Variants in FAM13A observed in about 807,000 individuals in gnomAD.
FAM13A encodes the protein family with sequence similarity 13 member A.
FAM13A carries 76 observed loss-of-function variants against 129.6 expected under a neutral mutation model. The observed-to-expected ratio is 0.59, with a 90% CI of 0.49 to 0.71. The LOEUF (loss-of-function observed/expected upper bound fraction) is 0.71. Ranked by LOEUF, FAM13A falls within the 30% of genes least tolerant of loss-of-function variation. The pLI is 0.00. For missense variants in FAM13A, 1,108 were observed against 1,249.3 expected (o/e 0.89, Z 1.70); for synonymous variants, 443 against 449.9 (o/e 0.98, Z 0.20).
intron 5 of FAM13A, among the ~76,000 whole-genome samples, chr4:88,921,559 C>T (rs2148718013): frequency 6.6e-6 from 1 of 152,250 alleles, no homozygotes; most frequent in Non-Finnish European, 1.5e-5. Context: ...AAGCACTAAA[C>T]ATGGAAAGGA....
rs1743500637 is a variant in FAM13A, at chr4:88,881,147, AC to A, written c.843+25231del. Among the ~76,000 whole-genome samples the A allele has an allele frequency of 3.3e-5, 5 of 152,206 alleles. No homozygotes were observed. In the South Asian group the frequency reaches 1.0e-3, roughly 32 times the overall value. On this transcript the variant is annotated intron_variant, in intron 6 of 23. Coordinates refer to ENST00000264344, the MANE Select transcript of FAM13A (RefSeq NM_014883.4). ...CAGCTAATGCTCTCTTGAAACTGCC[AC>A]CTCCTGGCTGGAAGCCAACCAAATA...
intron 19 of FAM13A, among the ~76,000 whole-genome samples, chr4:88,745,051 C>A (rs182177692): frequency 1.3e-5 from 2 of 152,220 alleles, no homozygotes; most frequent in African/African-American, 4.8e-5. Context: ...GAAAGTAGAA[C>A]GTGTAATTGT....
chr4:88,831,227 G>A (rs967525314), intron 7 of FAM13A, among the ~76,000 whole-genome samples: 29 of 152,130 alleles, frequency 1.9e-4, no homozygotes, highest in Non-Finnish European at 2.5e-4. Flanking sequence ...CAAATCTCCC[G>A]TGGGAGTCCG....
intron 8 of FAM13A, among the ~76,000 whole-genome samples, chr4:88,796,582 C>A (rs1726228106): frequency 6.6e-6 from 1 of 151,812 alleles, no homozygotes; most frequent in South Asian, 2.1e-4. Flanking sequence ...CTTGTTTACC[C>A]TTGATAATGT....
chr4:89,016,858 C>T (rs978729826), intron 3 of FAM13A, among the ~76,000 whole-genome samples: 5 of 152,196 alleles, frequency 3.3e-5, no homozygotes, highest in African/African-American at 1.2e-4. Context: ...TGATCTCAAA[C>T]TCCTGGGCTC....
intron 5 of FAM13A, among the ~76,000 whole-genome samples, chr4:88,926,000 A>T (rs1752089990): frequency 6.6e-6 from 1 of 152,092 alleles, no homozygotes; most frequent in South Asian, 2.1e-4. Context: ...GATTGAGAGC[A>T]AGTAGTTTAT....
At chr4:88,769,134 C>T (rs189233640) in intron 11 of FAM13A, among the ~76,000 whole-genome samples, 31 of 152,228 alleles carry the variant, frequency 2.0e-4, no homozygotes, top group African/African-American at 7.5e-4. Flanking sequence ...CAATAACATC[C>T]CATTATAATA....
Position 88,922,484 on chromosome 4 carries a change from A to G in FAM13A, c.759+15604T>C, listed in dbSNP as rs1751290751. 2.6e-5 allele frequency among the ~76,000 whole-genome samples: 4 copies of G among 152,176 alleles called. No individual in the cohort carries two copies. The South Asian group carries it at 8.3e-4, about 32-fold the overall frequency. ...CATAACGAAATGAAGGCAGAAATAA[A>G]GATGTTCTTTGAAACCAACGAGAAC... On this transcript the variant is annotated intron_variant, in intron 5 of 23. Transcript: ENST00000264344.
At chr4:89,025,866 T>A (rs933583201) in intron 2 of FAM13A, among the ~76,000 whole-genome samples, 1 of 152,150 alleles carries the variant, frequency 6.6e-6, no homozygotes, top group African/African-American at 2.4e-5. Context: ...AATACTGTTT[T>A]AGAGAGAGAA....
intron 11 of FAM13A, among the ~76,000 whole-genome samples, chr4:88,771,062 G>A (rs1020800321): frequency 1.3e-5 from 2 of 151,922 alleles, no homozygotes; most frequent in Non-Finnish European, 2.9e-5. Context: ...ACAGCATGCA[G>A]GTACACAGTG....
intron 6 of FAM13A, among the ~76,000 whole-genome samples, chr4:88,871,766 C>A (rs1376808335): frequency 1.3e-5 from 2 of 152,050 alleles, no homozygotes; most frequent in East Asian, 3.9e-4. Flanking sequence ...CAAGGCAGGC[C>A]AACATTCAAA....
intron 1 of FAM13A, among the ~76,000 whole-genome samples, chr4:89,038,102 T>C (rs1028904389): frequency 7.9e-5 from 12 of 152,214 alleles, no homozygotes; most frequent in Non-Finnish European, 1.0e-4. Context: ...CACTATGGTA[T>C]TGCCAGAACC....
chr4:88,868,980 C>A (rs1740907401), intron 6 of FAM13A, among the ~76,000 whole-genome samples: 1 of 152,178 alleles, frequency 6.6e-6, no homozygotes, highest in African/African-American at 2.4e-5. Flanking sequence ...CTTCAATCAG[C>A]ATCTTCATTT....
intron 4 of FAM13A, among the ~76,000 whole-genome samples, chr4:88,978,298 GA>G (rs1174881156): frequency 6.6e-6 from 1 of 152,130 alleles, no homozygotes; most frequent in African/African-American, 2.4e-5. Context: ...TTAAAAGTCT[GA>G]AAGTAACAGC....
At chr4:88,822,511 A>T (rs1172572701) in intron 7 of FAM13A, among the ~76,000 whole-genome samples, 1 of 152,218 alleles carries the variant, frequency 6.6e-6, no homozygotes, top group Non-Finnish European at 1.5e-5. Context: ...CTCACATATT[A>T]TGATGTACTT....
At chr4:88,866,634 T>C (rs1740510360) in intron 6 of FAM13A, among the ~76,000 whole-genome samples, 1 of 152,126 alleles carries the variant, frequency 6.6e-6, no homozygotes, top group African/African-American at 2.4e-5. Context: ...TCAATTCCAA[T>C]GGAAATCAGG....
intron 2 of FAM13A, among the ~76,000 whole-genome samples, chr4:89,025,255 T>G (rs978259304): frequency 9.5e-5 from 6 of 62,922 alleles, no homozygotes; most frequent in South Asian, 4.9e-4. Context: ...GTTTTTTTTT[T>G]TTTTTTTTTT....
In FAM13A at chr4:88,867,807, G is replaced by A. The variant is rs571692028; in HGVS notation, c.844-16624C>T. ...GTGATAGAAATATAAAAACATTTAGGGAAATGGTAGATACCAACTTTAGGA... is the reference window on the plus strand; with the variant it reads ...GTGATAGAAATATAAAAACATTTAGAGAAATGGTAGATACCAACTTTAGGA... On this transcript the variant is annotated intron_variant, in intron 6 of 23. Coordinates refer to ENST00000264344, the MANE Select transcript of FAM13A (RefSeq NM_014883.4). Among the ~76,000 whole-genome samples, 3 of 152,222 alleles carry A rather than the reference G, an allele frequency of 2.0e-5. No individual in the cohort carries two copies. The East Asian group carries it at 5.8e-4, about 29-fold the overall frequency.
chr4:89,034,546 C>T lies in FAM13A; in HGVS notation c.28-4897G>A, dbSNP rs539137454. Among the ~76,000 whole-genome samples, 6 of 152,284 alleles carry T rather than the reference C, an allele frequency of 3.9e-5. No individual in the cohort carries two copies. The East Asian group carries it at 7.7e-4, about 20-fold the overall frequency. ...CTCAAAGAACTAAAAATAGAACTAC[C>T]ATTTAACCCAGAGATCCTATTACTG... On this transcript the variant is annotated intron_variant, in intron 1 of 23. Coordinates refer to ENST00000264344, the MANE Select transcript of FAM13A (RefSeq NM_014883.4).
Sources: allele counts gnomAD v4.1 joint callset (sites outside exome capture counted in the v4.1 genomes callset), GRCh38; gene constraint gnomAD v4.1.1; transcripts MANE v1.5; gene names NCBI Gene and HGNC (gene_info 2026-07-23, HGNC 2026-07-21).